Variants in CAPZA1 observed in about 807,000 individuals in gnomAD.
The protein encoded by CAPZA1 is capping actin protein of muscle Z-line subunit alpha 1, also known as F-actin-capping protein subunit alpha-1.
CAPZA1 carries 10 observed loss-of-function variants against 40.8 expected under a neutral mutation model. The observed-to-expected ratio is 0.25, with a 90% CI of 0.15 to 0.42. The LOEUF is 0.42. Ranked by LOEUF, CAPZA1 falls within the 10% of genes least tolerant of loss-of-function variation. The probability of loss-of-function intolerance (pLI) is 1.00; values close to 1 mark genes in which losing one functional copy is unlikely to be tolerated. For synonymous variants in CAPZA1, 98 were observed against 115.0 expected (o/e 0.85, Z 0.95); for missense variants, 277 against 353.8 (o/e 0.78, Z 1.74).
chr1:112,635,859 C>T (rs1032632925), intron 1 of CAPZA1, among the ~76,000 whole-genome samples: 4 of 152,000 alleles, frequency 2.6e-5, no homozygotes, highest in East Asian at 1.9e-4. Flanking sequence ...TGAAACCCCA[C>T]CTCTACTAAA....
intron 1 of CAPZA1, among the ~76,000 whole-genome samples, chr1:112,622,633 G>A (rs889723606): frequency 1.3e-5 from 2 of 152,240 alleles, no homozygotes. Flanking sequence ...CTAACTAGTG[G>A]AATATTTGTG....
At chr1:112,651,814 A>G (rs1671391800) in intron 3 of CAPZA1, among the ~76,000 whole-genome samples, 1 of 152,184 alleles carries the variant, frequency 6.6e-6, no homozygotes, top group African/African-American at 2.4e-5. Flanking sequence ...TTTAAGGAGT[A>G]AAACACAGTA....
In CAPZA1 at chr1:112,659,071, A is replaced by G. The variant is rs769425278; in HGVS notation, c.476A>G (p.Glu159Gly). Residue 159 changes from glutamate (E) to glycine (G), a missense_variant, in exon 6 of 10, where the codon GAA becomes GGA. Physicochemically the swap from Glu to Gly is moderately conservative, Grantham distance 98. This residue lies in a region of CAPZA1 where 192 missense variants were observed against 277.2 expected (regional missense o/e 0.69). Transcript: ENST00000263168. ...DGQQTIIACI[E>G]SHQFQPKNFW... ...CAACAGACTATTATTGCATGTATTG[A>G]AAGCCACCAGTTTCAGCCTAAAAAC... 35 of 1,613,362 alleles carry G rather than the reference A, an allele frequency of 2.2e-5. No individual in the cohort carries two copies. Among genetic ancestry groups the G allele is most frequent in the Non-Finnish European group, 2.4e-5 (28 of 1,179,554 alleles).
chr1:112,651,945 C>A (rs750878100), intron 3 of CAPZA1, among the ~76,000 whole-genome samples: 11 of 150,328 alleles, frequency 7.3e-5, no homozygotes, highest in Non-Finnish European at 1.5e-4. Context: ...GTGAGACTCC[C>A]CCCGATCTCT....
intron 8 of CAPZA1, among the ~76,000 whole-genome samples, chr1:112,667,820 C>A (rs1480305906): frequency 6.6e-6 from 1 of 152,066 alleles, no homozygotes; most frequent in Non-Finnish European, 1.5e-5. Context: ...GTGTGAGCCA[C>A]CATGCCTGGC....
At chr1:112,661,805 C>G (rs534694239) in intron 7 of CAPZA1, among the ~76,000 whole-genome samples, 1 of 152,288 alleles carries the variant, frequency 6.6e-6, no homozygotes, top group African/African-American at 2.4e-5. Flanking sequence ...TGGTAAGATT[C>G]AAAATACAGC....
intron 7 of CAPZA1, among the ~76,000 whole-genome samples, chr1:112,663,319 A>G (rs545652473): frequency 1.5e-4 from 23 of 152,268 alleles, no homozygotes; most frequent in African/African-American, 5.5e-4. Context: ...TTTTAATGAA[A>G]AAACAAACAA....
intron 7 of CAPZA1, among the ~76,000 whole-genome samples, chr1:112,662,794 A>G (rs1671646066): frequency 6.6e-6 from 1 of 152,054 alleles, no homozygotes; most frequent in Admixed American, 6.6e-5. Context: ...AGAAGTTCAA[A>G]CTAATTGTAT....
intron 1 of CAPZA1, among the ~76,000 whole-genome samples, chr1:112,625,490 G>A (rs1339897396): frequency 6.6e-6 from 1 of 152,230 alleles, no homozygotes; most frequent in African/African-American, 2.4e-5. Flanking sequence ...GAGATAGAAA[G>A]ATTAGGACGG....
chr1:112,649,270 T>C, intron 2 of CAPZA1, 148 bp from the exon 3 acceptor site: 1 of 620,454 alleles, frequency 1.6e-6, no homozygotes, highest in South Asian at 2.0e-5. Context: ...ATTAGCATCT[T>C]TTTATTTGCA....
chr1:112,637,936 C>T (rs1261256167), intron 1 of CAPZA1, among the ~76,000 whole-genome samples: 1 of 152,186 alleles, frequency 6.6e-6, no homozygotes, highest in Non-Finnish European at 1.5e-5. Flanking sequence ...CTCCCAAAGC[C>T]CATCTGCCCT....
In CAPZA1 at chr1:112,647,216, A is replaced by G. The variant is rs369340611; in HGVS notation, c.46A>G (p.Ile16Val). Residue 16 changes from isoleucine (I) to valine (V), a missense_variant, in exon 2 of 10, where the codon ATA (isoleucine) becomes GTA (valine). Transcript: ENST00000263168. ...AAATTTTGTTTCTCTTTAGGTACGC[A>G]TAGCTGCTAAATTCATCACTCATGC... ...DRVSDEEKVR[I>V]AAKFITHAPP... 1.0e-4 allele frequency: 157 copies of G among 1,523,066 alleles called. No homozygotes were observed. Among genetic ancestry groups the G allele is most frequent in the Non-Finnish European group, 1.3e-4 (145 of 1,124,600 alleles). 94.3% of individuals were successfully genotyped at this position (1,523,066 alleles called of 1,614,324 possible). A position where few individuals can be genotyped will look rare whatever the true frequency, so the allele number is the denominator to read the frequency against.
At chr1:112,668,034 C>T (rs531224463) in intron 8 of CAPZA1, among the ~76,000 whole-genome samples, 279 of 152,080 alleles carry the variant, frequency 1.8e-3, no homozygotes, top group Non-Finnish European at 3.0e-3. Flanking sequence ...ACCTGTAATC[C>T]CAGCACTTTG....
intron 1 of CAPZA1, among the ~76,000 whole-genome samples, chr1:112,646,143 A>G (rs567166911): frequency 2.0e-4 from 31 of 152,352 alleles, no homozygotes; most frequent in South Asian, 4.1e-4. Flanking sequence ...TAGTATATCC[A>G]GAAAGGGAGA....
chr1:112,662,689 C>T (rs528714159), intron 7 of CAPZA1, among the ~76,000 whole-genome samples: 10 of 152,082 alleles, frequency 6.6e-5, no homozygotes, highest in East Asian at 3.9e-4. Flanking sequence ...TGAGCCACTG[C>T]GCCTGGCCCT....
chr1:112,659,265 ATATTT>A, intron 6 of CAPZA1, 164 bp downstream of exon 6: 1 of 594,874 alleles, frequency 1.7e-6, no homozygotes, highest in Non-Finnish European at 3.0e-6. Context: ...TTTTATAATT[ATATTT>A]TCCTTTAAAA....
intron 1 of CAPZA1, among the ~76,000 whole-genome samples, chr1:112,643,518 A>T (rs1283702961): frequency 2.0e-5 from 3 of 152,200 alleles, no homozygotes; most frequent in African/African-American, 7.2e-5. Context: ...CCAAGTCTTA[A>T]AAAATGTGTA....
chr1:112,620,189 C>A, intron 1 of CAPZA1: 1 of 301,206 alleles, frequency 3.3e-6, no homozygotes, highest in Non-Finnish European at 6.1e-6. Context: ...TGTAATTTTG[C>A]GAGAGGGTGG....
chr1:112,648,108 G>A (rs564162978), intron 2 of CAPZA1, among the ~76,000 whole-genome samples: 1 of 152,052 alleles, frequency 6.6e-6, no homozygotes, highest in Non-Finnish European at 1.5e-5. Context: ...CCAGATGGTA[G>A]AACAGTCAAT....
Sources: gnomAD v4.1 joint callset for allele counts (sites outside exome capture counted in the v4.1 genomes callset) on GRCh38, gnomAD v4.1.1 for gene constraint, gnomAD v4.1.1 regional missense constraint, MANE v1.5 for transcripts, NCBI Gene and HGNC (gene_info 2026-07-23, HGNC 2026-07-21) for gene names.